Variants in SCUBE2 observed in about 807,000 individuals in gnomAD.
The protein encoded by SCUBE2 is signal peptide, CUB domain and EGF like domain containing 2.
Under a neutral mutation model 125.9 loss-of-function variants are expected in SCUBE2, and 114 were observed. The ratio of observed to expected loss-of-function variants is 0.91; its 90% CI spans 0.78 to 1.06. The LOEUF (loss-of-function observed/expected upper bound fraction) is 1.06. SCUBE2 is among the 50% of genes least tolerant of loss of function. SCUBE2 has a pLI of 0.00. For synonymous variants in SCUBE2, 459 were observed against 492.9 expected (o/e 0.93, Z 0.91); for missense variants, 1,255 against 1,301.8 (o/e 0.96, Z 0.55).
Position 9,025,861 on chromosome 11 carries a change from A to T in SCUBE2, c.2702-7T>A, listed in dbSNP as rs1402619823. On this transcript the variant is annotated splice_polypyrimidine_tract_variant and splice_region_variant and intron_variant, in intron 20 of 22. Coordinates refer to ENST00000649792, the MANE Select transcript of SCUBE2 (RefSeq NM_001367977.2). ...GTCACAGAATTGGATGAAGCTGCCA[A>T]GGGAAGTTGGAGAAGGGTGGGGTTC... 6.2e-7 allele frequency: 1 copy of T among 1,613,270 alleles called. No homozygotes were observed. The highest frequency in any genetic ancestry group is 1.1e-5 in the South Asian group (1 of 90,908).
At chr11:9,033,872 G>A (rs1295225867) in intron 16 of SCUBE2, 76 bp from the exon 17 acceptor site, 1 of 1,479,380 alleles carries the variant, frequency 6.8e-7, no homozygotes, top group African/African-American at 1.4e-5. Flanking sequence ...TAGAGATGAA[G>A]GCAAATAGAT....
chr11:9,045,596 AAGACAGAC>A (rs530788173), intron 16 of SCUBE2, among the ~76,000 whole-genome samples: 6,996 of 144,656 alleles, frequency 0.048, 198 homozygotes, highest in East Asian at 0.11. Flanking sequence ...CCAGGACTAG[AAGACAGAC>A]AGACAGACAC....
intron 21 of SCUBE2, chr11:9,024,410 G>A (rs2135017489): frequency 2.3e-6 from 3 of 1,288,058 alleles, no homozygotes; most frequent in Non-Finnish European, 3.0e-6. Context: ...ATTATTTCAG[G>A]CATCTGTAGG....
intron 4 of SCUBE2, among the ~76,000 whole-genome samples, chr11:9,071,592 G>A (rs1860805735): frequency 6.6e-6 from 1 of 152,208 alleles, no homozygotes; most frequent in Non-Finnish European, 1.5e-5. Flanking sequence ...AATTGGTCTG[G>A]TTGTCACGTC....
intron 20 of SCUBE2, 70 bp from the exon 21 acceptor site, chr11:9,025,924 T>C: frequency 6.8e-7 from 1 of 1,478,580 alleles, no homozygotes; most frequent in Non-Finnish European, 9.2e-7. Context: ...TAGATGCTCA[T>C]CTTTCTAAAC....
chr11:9,089,950 G>T lies in SCUBE2; in HGVS notation c.134-121C>A. 2.3e-6 allele frequency: 3 copies of T among 1,300,212 alleles called. No homozygotes were observed. In the South Asian group the frequency reaches 5.0e-5, roughly 22 times the overall value. 80.5% of individuals were successfully genotyped at this position (1,300,212 alleles called of 1,614,324 possible). A position where few individuals can be genotyped will look rare whatever the true frequency, so the allele number is the denominator to read the frequency against. On this transcript the variant is annotated intron_variant, in intron 1 of 22. Transcript: ENST00000649792. ...GCTTCACTCCTCACAAGCTACAGCT[G>T]CTTGGGATCCCTGGGATAAACCAAA... is the stretch of plus-strand genomic sequence containing the variant.
At chr11:9,068,364 G>A (rs11042169) in intron 5 of SCUBE2, among the ~76,000 whole-genome samples, 5,726 of 152,174 alleles carry the variant, frequency 0.038, 379 homozygotes, top group African/African-American at 0.13. Flanking sequence ...CAGGAGCTGC[G>A]GCCCGATGGT....
At chr11:9,060,011 A>T (rs1319035878) in intron 8 of SCUBE2, among the ~76,000 whole-genome samples, 1 of 152,224 alleles carries the variant, frequency 6.6e-6, no homozygotes, top group Non-Finnish European at 1.5e-5. Flanking sequence ...TTAATGGTAC[A>T]GTTATTCATT....
Position 9,071,056 on chromosome 11 carries a change from G to A in SCUBE2, c.518-1561C>T, listed in dbSNP as rs888580586. On this transcript the variant is annotated intron_variant, in intron 4 of 22. Coordinates refer to ENST00000649792, the MANE Select transcript of SCUBE2 (RefSeq NM_001367977.2). ...TTGCACCCCAGTACTGAGATGGCGC[G>A]GGAGGTGACAGCTGCCTCTAGAAGC... 5.3e-5 allele frequency among the ~76,000 whole-genome samples: 8 copies of A among 152,210 alleles called. No homozygotes were observed. In the South Asian group the frequency reaches 8.3e-4, roughly 16 times the overall value.
chr11:9,079,283 G>A, intron 3 of SCUBE2, 101 bp downstream of exon 3: 1 of 1,369,616 alleles, frequency 7.3e-7, no homozygotes, highest in Non-Finnish European at 1.0e-6. Context: ...GAAAACACAA[G>A]GCTCTGAGCC....
rs1566172192 is a variant in SCUBE2, at chr11:9,033,611, A to G, written c.2173+15T>C. ...AGAGATGGGAGGAGTAGGAAGGAAC[A>G]GACAGCATCCTTACCTCCACATTCA... On this transcript the variant is annotated intron_variant, in intron 17 of 22. Coordinates refer to ENST00000649792, the MANE Select transcript of SCUBE2 (RefSeq NM_001367977.2). The G allele has an allele frequency of 6.2e-7, 1 of 1,611,324 alleles. No individual in the cohort carries two copies. Among genetic ancestry groups the G allele is most frequent in the Non-Finnish European group, 8.5e-7 (1 of 1,178,602 alleles).
chr11:9,033,384 T>C (rs1856481146), intron 17 of SCUBE2, among the ~76,000 whole-genome samples: 2 of 152,194 alleles, frequency 1.3e-5, no homozygotes, highest in African/African-American at 4.8e-5. Context: ...GTTTCAACAC[T>C]TACGCTCTTC....
chr11:9,066,868 C>T, intron 5 of SCUBE2, 55 bp from the exon 6 acceptor site: 1 of 1,393,018 alleles, frequency 7.2e-7, no homozygotes, highest in Non-Finnish European at 1.0e-6. Context: ...AAACACAGGG[C>T]TGTGTTTGCT....
Position 9,080,338 on chromosome 11 carries a change from C to T in SCUBE2, c.257-829G>A, listed in dbSNP as rs116692331. Among the ~76,000 whole-genome samples the T allele has an allele frequency of 4.7e-3, 716 of 152,190 alleles. 5 individuals carry two copies. The highest frequency in any genetic ancestry group is 0.017 in the African/African-American group (690 of 41,514). ...AAATGTAAGCATTAACAATATAAAG[C>T]TTTTCAGAAAAAATATGTGATAAAC... is the stretch of plus-strand genomic sequence containing the variant. On this transcript the variant is annotated intron_variant, in intron 2 of 22. Transcript: ENST00000649792.
At position 9,020,555 on chromosome 11, in the gene SCUBE2, C is replaced by G. The variant is rs1414262191; in HGVS notation, c.*490G>C. The G allele has an allele frequency of 6.6e-6, 1 of 152,064 alleles. No individual in the cohort carries two copies. Among genetic ancestry groups the G allele is most frequent in the African/African-American group, 2.4e-5 (1 of 41,366 alleles). The allele number at this position is 152,064 out of a possible 1,614,324, so 9.4% of individuals were successfully genotyped here. ...CAGGTCTCAAGGTGGGTGGAGGGAG[C>G]CTGCAGGGGTCTCCTTCCCTCCCCT... is the stretch of plus-strand genomic sequence containing the variant. On this transcript the variant is annotated 3_prime_UTR_variant, in exon 23 of 23. Transcript: ENST00000649792.
At chr11:9,031,874 TTATAGA>T (rs60760414) in intron 17 of SCUBE2, among the ~76,000 whole-genome samples, 65,297 of 151,450 alleles carry the variant, frequency 0.43, 16,755 homozygotes, top group Non-Finnish European at 0.57. Flanking sequence ...CCCCCATAAG[TTATAGA>T]TATGATGGCA....
chr11:9,020,042 C>T lies in SCUBE2; in HGVS notation c.*1003G>A, dbSNP rs956689392. On this transcript the variant is annotated 3_prime_UTR_variant, in exon 23 of 23. Transcript: ENST00000649792. ...CCCTTCAAGGGGCTGCTCATGTCCA[C>T]GGAGCAGAGTCCGTCTCTCACATTT... Among the ~76,000 whole-genome samples the T allele has an allele frequency of 3.9e-5, 6 of 152,160 alleles. No individual in the cohort carries two copies. The highest frequency in any genetic ancestry group is 3.3e-4 in the Admixed American group (5 of 15,284).
At chr11:9,036,366 C>G (rs1324793118) in intron 16 of SCUBE2, among the ~76,000 whole-genome samples, 1 of 152,158 alleles carries the variant, frequency 6.6e-6, no homozygotes, top group Admixed American at 6.5e-5. Flanking sequence ...TCATGTAAAG[C>G]TGGGCTGAAT....
intron 2 of SCUBE2, among the ~76,000 whole-genome samples, chr11:9,082,605 A>G (rs966828451): frequency 6.6e-6 from 1 of 152,222 alleles, no homozygotes; most frequent in African/African-American, 2.4e-5. Context: ...GGGCAAAAAA[A>G]ATGGTATATT....
Sources: gnomAD v4.1 joint callset for allele counts (sites outside exome capture counted in the v4.1 genomes callset) on GRCh38, gnomAD v4.1.1 for gene constraint, MANE v1.5 for transcripts, NCBI Gene and HGNC (gene_info 2026-07-23, HGNC 2026-07-21) for gene names.